Variants in PLTP observed in about 807,000 individuals in gnomAD.
PLTP encodes the protein phospholipid transfer protein, also known as BPI fold containing family E.
Under a neutral mutation model 54.1 loss-of-function variants are expected in PLTP, and 43 were observed. The ratio of observed to expected loss-of-function variants is 0.79; its 90% CI spans 0.62 to 1.02. The LOEUF is 1.02. Among genes scored for constraint, PLTP ranks in the 50% least tolerant of loss-of-function variants. PLTP has a pLI of 0.00. For synonymous variants in PLTP, 263 were observed against 264.6 expected, an observed-to-expected ratio of 0.99 and a Z score of 0.06; for missense variants, 604 against 645.9, an observed-to-expected ratio of 0.94 and a Z score of 0.70.
intron 11 of PLTP, 25 bp from the exon 12 acceptor site, chr20:45,902,359 G>A (rs941869012): frequency 6.2e-7 from 1 of 1,614,154 alleles, no homozygotes; most frequent in African/African-American, 1.3e-5. Context: ...GGAGGAGGAT[G>A]TTACTGACCC....
intron 5 of PLTP, among the ~76,000 whole-genome samples, chr20:45,908,106 C>G (rs751660675): frequency 1.7e-4 from 26 of 152,172 alleles, no homozygotes; most frequent in Non-Finnish European, 2.5e-4. Context: ...GACCTACTCT[C>G]TGGTCCCATC....
rs781003189 is a variant in PLTP at position 45,911,443 on chromosome 20, A to G, written c.10T>C (p.Phe4Leu). ...AGCAGCGCTAGGAAGAGGGCCCCGA[A>G]GAGGGCCATGGCGAGCGGGCCTGGG... MALFGALFLALLAG... is the reference protein window; with the variant it reads MALLGALFLALLAG... The change falls in exon 2 of 16, where the codon TTC (phenylalanine) becomes CTC (leucine). Residue 4 changes from phenylalanine to leucine, a missense_variant. Phe to Leu is a conservative substitution (Grantham distance 22). Coordinates refer to ENST00000372431, the MANE Select transcript of PLTP (RefSeq NM_006227.4). The G allele has an allele frequency of 1.9e-6, 3 of 1,604,506 alleles. No individual in the cohort carries two copies. The highest frequency in any genetic ancestry group is 1.7e-5 in the Admixed American group (1 of 59,998).
chr20:45,899,131 G>A, intron 15 of PLTP, 68 bp from the exon 16 acceptor site: 3 of 1,600,320 alleles, frequency 1.9e-6, no homozygotes, highest in Non-Finnish European at 2.6e-6. Context: ...GAGATCAAGA[G>A]ACAGAGTGTT....
chr20:45,901,374 G>A (rs2083182429), intron 12 of PLTP, among the ~76,000 whole-genome samples: 1 of 151,946 alleles, frequency 6.6e-6, no homozygotes, highest in South Asian at 2.1e-4. Context: ...AAGGTGGGAC[G>A]ATCACTTGAG....
In PLTP at chr20:45,899,774, G is replaced by A. The variant is rs553793980; in HGVS notation, c.1218+62C>T. 4.1e-5 allele frequency: 65 copies of A among 1,591,614 alleles called. No homozygotes were observed. The African/African-American group carries it at 7.8e-4, about 19-fold the overall frequency. Reference sequence around the variant, plus strand: ...CAGGTGAGCAGTTATATGAGGAGGGGGGGATGGTGAGGGTCAGGATCTCAC... The same window carrying A: ...CAGGTGAGCAGTTATATGAGGAGGGAGGGATGGTGAGGGTCAGGATCTCAC... On this transcript the variant is annotated intron_variant, in intron 13 of 15. Transcript: ENST00000372431.
intron 12 of PLTP, among the ~76,000 whole-genome samples, chr20:45,901,335 C>T (rs472053): frequency 0.077 from 11,708 of 152,204 alleles, 790 homozygotes; most frequent in East Asian, 0.26. Flanking sequence ...CGGTGGCTCA[C>T]GCCTGTAATC....
In PLTP at chr20:45,909,929, GC is replaced by G; in HGVS notation, c.329+12del. 6.2e-7 allele frequency: 1 copy of G among 1,613,820 alleles called. No individual in the cohort carries two copies. The highest frequency in any genetic ancestry group is 8.5e-7 in the Non-Finnish European group (1 of 1,179,862). The stretch of plus-strand genomic sequence containing the variant: ...ACCCACTCTCCACTCCCCTGAGGGT[GC>G]TGGGTCCTTACAAGAACCAGTAGAG... On this transcript the variant is annotated intron_variant, in intron 4 of 15. Coordinates refer to ENST00000372431, the MANE Select transcript of PLTP (RefSeq NM_006227.4).
intron 12 of PLTP, among the ~76,000 whole-genome samples, chr20:45,900,325 C>G (rs753351671): frequency 6.6e-6 from 1 of 151,554 alleles, no homozygotes; most frequent in Admixed American, 6.6e-5. Flanking sequence ...AGGATGGTCT[C>G]GGATTTCCTG....
intron 10 of PLTP, among the ~76,000 whole-genome samples, chr20:45,904,459 G>T (rs1316186094): frequency 1.3e-5 from 2 of 151,770 alleles, no homozygotes; most frequent in African/African-American, 4.8e-5. Flanking sequence ...TGAGACTCTT[G>T]TCTCAAAAAA....
intron 1 of PLTP, chr20:45,911,684 G>C: frequency 1.6e-6 from 1 of 628,890 alleles, no homozygotes; most frequent in Non-Finnish European, 2.8e-6. Context: ...GGACACGGGG[G>C]AGGGGACGTT....
In PLTP at chr20:45,904,668, G is replaced by A. The variant is rs1337524872; in HGVS notation, c.942+132C>T. On this transcript the variant is annotated intron_variant, in intron 10 of 15. Transcript: ENST00000372431. Reference sequence around the variant, plus strand: ...TCACAGACAGGAACAGCCATGACAAGGCGAGGGGGATTGGCCACAGACAAG... The same window carrying A: ...TCACAGACAGGAACAGCCATGACAAAGCGAGGGGGATTGGCCACAGACAAG... 9 of 830,044 alleles carry A rather than the reference G, an allele frequency of 1.1e-5. No individual in the cohort carries two copies. The Admixed American group carries it at 1.4e-4, about 13-fold the overall frequency. The allele number at this position is 830,044 out of a possible 1,614,324, so 51.4% of individuals were successfully genotyped here. A position where few individuals can be genotyped will look rare whatever the true frequency, so the allele number is the denominator to read the frequency against.
chr20:45,911,803 T>G, intron 1 of PLTP: 3 of 401,508 alleles, frequency 7.5e-6, no homozygotes, highest in South Asian at 6.9e-5. Context: ...CATGCAGGCT[T>G]GCACGTTGCC....
chr20:45,906,409 T>A, intron 7 of PLTP, 50 bp from the exon 8 acceptor site: 2 of 1,418,606 alleles, frequency 1.4e-6, no homozygotes, highest in Non-Finnish European at 2.0e-6. Context: ...TGGGATAAGG[T>A]GCTTAACCTC....
intron 12 of PLTP, 94 bp downstream of exon 12, chr20:45,902,173 C>T (rs1298907277): frequency 7.5e-7 from 1 of 1,326,986 alleles, no homozygotes; most frequent in African/African-American, 1.5e-5. Flanking sequence ...CTCTCAGTGG[C>T]TTACAGGTAT....
chr20:45,906,114 G>A (rs932618421), intron 8 of PLTP, among the ~76,000 whole-genome samples, 154 bp downstream of exon 8: 1 of 152,178 alleles, frequency 6.6e-6, no homozygotes, highest in African/African-American at 2.4e-5. Context: ...CCAGGAGGCT[G>A]AACCTAATTC....
intron 7 of PLTP, 145 bp from the exon 8 acceptor site, chr20:45,906,504 C>A: frequency 2.8e-6 from 2 of 712,148 alleles, no homozygotes; most frequent in South Asian, 1.5e-5. Flanking sequence ...ATGTGGAAAG[C>A]ACTTAGGGCC....
At chr20:45,903,989 A>G (rs1350257648) in intron 10 of PLTP, among the ~76,000 whole-genome samples, 1 of 152,206 alleles carries the variant, frequency 6.6e-6, no homozygotes, top group Admixed American at 6.5e-5. Context: ...GTGAGCCATC[A>G]TGCCCAGCCA....
At chr20:45,911,578 G>A in intron 1 of PLTP, 115 bp from the exon 2 acceptor site, 1 of 1,397,986 alleles carries the variant, frequency 7.2e-7, no homozygotes, top group East Asian at 2.5e-5. Flanking sequence ...ACTCTTCGGG[G>A]AACTTGGAAC....
intron 5 of PLTP, 35 bp downstream of exon 5, chr20:45,909,481 G>A (rs756035633): frequency 2.5e-6 from 4 of 1,612,750 alleles, no homozygotes; most frequent in Admixed American, 3.3e-5. Flanking sequence ...TGTGGGGCTC[G>A]AAAAGGGTGA....
Sources: allele counts gnomAD v4.1 joint callset (sites outside exome capture counted in the v4.1 genomes callset), GRCh38; gene constraint gnomAD v4.1.1; transcripts MANE v1.5; gene names NCBI Gene and HGNC (gene_info 2026-07-23, HGNC 2026-07-21).